ZFR2: variants seen among roughly 807,000 people sequenced by gnomAD.
The protein encoded by ZFR2 is zinc finger RNA-binding protein 2.
A neutral mutation model predicts 105.7 loss-of-function variants in ZFR2; 104 were observed. The ratio of observed to expected loss-of-function variants is 0.98; its 90% CI spans 0.84 to 1.16. ZFR2 has a LOEUF of 1.16. ZFR2 is among the 50% of genes most tolerant of loss of function. The probability of loss-of-function intolerance (pLI) is 0.00; values close to 1 mark genes in which losing one functional copy is unlikely to be tolerated. For synonymous variants in ZFR2, 634 were observed against 597.7 expected (o/e 1.06, Z -0.89); for missense variants, 1,425 against 1,355.5 (o/e 1.05, Z -0.80).
At chr19:3,864,452 A>G (rs529961932) in intron 1 of ZFR2, among the ~76,000 whole-genome samples, 20 of 152,348 alleles carry the variant, frequency 1.3e-4, no homozygotes, top group African/African-American at 4.8e-4. Context: ...ACCAAAATCC[A>G]GTAGTCTTCT....
chr19:3,805,952 C>T lies in ZFR2; in HGVS notation c.2817G>A (p.Val939=), dbSNP rs2037690960. The T allele has an allele frequency of 6.5e-7, 1 of 1,531,228 alleles. No individual in the cohort carries two copies. The highest frequency in any genetic ancestry group is 1.2e-5 in the South Asian group (1 of 83,082). 94.9% of individuals were successfully genotyped at this position (1,531,228 alleles called of 1,614,324 possible). ...KRGRRGGEGL[V] is the part of the protein sequence containing the mutation. ...GCAGGTGGGGGAGGTAGGCGGCTCACACGAGCCCCTCTCCGCCCCGCCGGC... is the reference window on the plus strand; with the variant it reads ...GCAGGTGGGGGAGGTAGGCGGCTCATACGAGCCCCTCTCCGCCCCGCCGGC... Residue 939 remains valine, a synonymous_variant, in exon 19 of 19, where the codon GTG becomes GTA. Transcript: ENST00000262961.
intron 3 of ZFR2, among the ~76,000 whole-genome samples, chr19:3,832,373 A>G (rs8104995): frequency 0.43 from 64,411 of 150,922 alleles, 14,284 homozygotes; most frequent in South Asian, 0.59. Context: ...CCAGGTTGGA[A>G]TGCAGTGGCA....
At position 3,830,259 on chromosome 19, in the gene ZFR2, GTGAGAC is replaced by G; in HGVS notation, c.852+1038_852+1043del. On this transcript the variant is annotated intron_variant, in intron 5 of 18. Transcript: ENST00000262961. ...TTCGAGACTGGACCTGGGCGACATAGTGAGACCCCATCTCTATTGAAAATTTAAAAA... is the reference window on the plus strand; with the variant it reads ...TTCGAGACTGGACCTGGGCGACATAGCCCATCTCTATTGAAAATTTAAAAA... 2.0e-5 allele frequency among the ~76,000 whole-genome samples: 3 copies of G among 152,226 alleles called. 1 individual carries two copies. Among genetic ancestry groups the G allele is most frequent in the African/African-American group, 7.2e-5 (3 of 41,542 alleles).
chr19:3,846,684 T>C (rs780910800), intron 1 of ZFR2, among the ~76,000 whole-genome samples: 14 of 152,212 alleles, frequency 9.2e-5, no homozygotes, highest in Non-Finnish European at 1.8e-4. Flanking sequence ...AAGCGGAATG[T>C]GCTTCTAAAA....
chr19:3,850,058 C>T (rs1204710844), intron 1 of ZFR2, among the ~76,000 whole-genome samples: 2 of 152,134 alleles, frequency 1.3e-5, no homozygotes, highest in African/African-American at 2.4e-5. Context: ...CACCCTGTCC[C>T]GCCACTCTGC....
intron 1 of ZFR2, among the ~76,000 whole-genome samples, chr19:3,839,474 G>C (rs898770791): frequency 2.4e-4 from 35 of 148,492 alleles, no homozygotes; most frequent in Admixed American, 2.0e-3. Flanking sequence ...CGGAGGCGGA[G>C]GCTGCAGTGA....
intron 1 of ZFR2, among the ~76,000 whole-genome samples, chr19:3,864,725 T>A (rs1162158047): frequency 6.6e-6 from 1 of 152,114 alleles, no homozygotes; most frequent in Non-Finnish European, 1.5e-5. Flanking sequence ...TCTTTTCTTT[T>A]CTCTCTTCTC....
intron 1 of ZFR2, chr19:3,852,610 C>A (rs2038252376): frequency 2.8e-6 from 2 of 718,274 alleles, no homozygotes. Flanking sequence ...GTCTCCACTT[C>A]TGGACTGGAA....
chr19:3,817,609 T>TA (rs1568419482), intron 12 of ZFR2, among the ~76,000 whole-genome samples: 12 of 90,472 alleles, frequency 1.3e-4, no homozygotes, highest in African/African-American at 2.2e-4. Context: ...TAATAATAAT[T>TA]AGCTGGGTGT....
rs769259870 is a variant in ZFR2, at chr19:3,810,782, G to A, written c.2401C>T (p.Arg801Cys). 1.3e-5 allele frequency: 20 copies of A among 1,550,090 alleles called. No homozygotes were observed. Among genetic ancestry groups the A allele is most frequent in the Admixed American group, 3.9e-5 (2 of 50,976 alleles). The change falls in exon 16 of 19, where the codon CGT (arginine) becomes TGT (cysteine). Residue 801 changes from arginine (R) to cysteine (C), a missense_variant. By Grantham distance (180) the Arg-to-Cys change is radical (BLOSUM62 -3). Coordinates refer to ENST00000262961, the MANE Select transcript of ZFR2 (RefSeq NM_015174.2). ...GGCAGGGCCCCCCAGGTGGGCACAC[G>A]CCGGCAGAGGTCCCTCAGGACCCTG... ...VIRVLRDLCR[R>C]VPTWGALPAW...
At chr19:3,825,434 CGT>C in intron 6 of ZFR2, 27 bp from the exon 7 acceptor site, 1 of 1,545,038 alleles carries the variant, frequency 6.5e-7, no homozygotes, top group Non-Finnish European at 8.7e-7. Flanking sequence ...CGGGCTCCCG[CGT>C]GAGGGCCGCT....
At position 3,823,264 on chromosome 19, in the gene ZFR2, G is replaced by A. The variant is rs1329316523; in HGVS notation, c.1353C>T (p.Gly451=). The part of the protein sequence containing the change: ...PAGCSDAQPV[G]PEYVEEVFSD... ...GACTTACCTCCTCCACATATTCCGGGCCCACCGGCTGCGCATCAGAGCAGC... is the reference window on the plus strand; with the variant it reads ...GACTTACCTCCTCCACATATTCCGGACCCACCGGCTGCGCATCAGAGCAGC... Residue 451 remains glycine, a synonymous_variant, in exon 8 of 19, where the codon GGC becomes GGT. Transcript: ENST00000262961. The surrounding 1 kb of genome is among the most constrained non-coding windows in gnomAD (Gnocchi z 5.4). The A allele has an allele frequency of 6.2e-7, 1 of 1,613,826 alleles. No individual in the cohort carries two copies. Among genetic ancestry groups the A allele is most frequent in the African/African-American group, 1.3e-5 (1 of 74,922 alleles).
At chr19:3,820,412 G>T in intron 10 of ZFR2, 122 bp from the exon 11 acceptor site, 1 of 924,768 alleles carries the variant, frequency 1.1e-6, no homozygotes, top group Non-Finnish European at 1.6e-6. Context: ...CTCTTGCTGG[G>T]GCTCCACTGC....
At chr19:3,810,893 C>A in intron 15 of ZFR2, 48 bp from the exon 16 acceptor site, 1 of 1,538,818 alleles carries the variant, frequency 6.5e-7, no homozygotes, top group Non-Finnish European at 8.8e-7. Flanking sequence ...CACGTGGCCA[C>A]ACGGCATGGC....
chr19:3,806,018 T>A lies in ZFR2; in HGVS notation c.2751A>T (p.Gly917=), dbSNP rs2037691997. Reference sequence around the variant, plus strand: ...CTGCGCCCTCCTCTCCCTCGCCAGGTCCCCGTTGCCTCTTCCGGAAGCGGG... The same window carrying A: ...CTGCGCCCTCCTCTCCCTCGCCAGGACCCCGTTGCCTCTTCCGGAAGCGGG... The part of the protein sequence containing the change: ...LGARFRKRQR[G]PGEGEEGAGE... Residue 917 remains glycine, a synonymous_variant, in exon 19 of 19, where the codon GGA becomes GGT. Transcript: ENST00000262961. 1 of 1,547,094 alleles carries A rather than the reference T, an allele frequency of 6.5e-7. No homozygotes were observed.
chr19:3,811,603 C>T (rs1394909720), intron 14 of ZFR2, among the ~76,000 whole-genome samples: 8 of 151,522 alleles, frequency 5.3e-5, no homozygotes, highest in South Asian at 2.1e-4. Context: ...TACAGGTGCC[C>T]GCCACCACAT....
At chr19:3,828,713 C>A (rs1160005915) in intron 5 of ZFR2, among the ~76,000 whole-genome samples, 1 of 152,168 alleles carries the variant, frequency 6.6e-6, no homozygotes, top group Non-Finnish European at 1.5e-5. Flanking sequence ...TCAAATGAAG[C>A]CGGCCACAGA....
At chr19:3,817,991 G>A (rs765229388) in intron 12 of ZFR2, among the ~76,000 whole-genome samples, 5 of 152,224 alleles carry the variant, frequency 3.3e-5, no homozygotes, top group South Asian at 2.1e-4. Flanking sequence ...GGGCGGGCAC[G>A]CATGGGTGCA....
chr19:3,839,488 G>T (rs912801148), intron 1 of ZFR2, among the ~76,000 whole-genome samples: 1 of 140,924 alleles, frequency 7.1e-6, no homozygotes, highest in Admixed American at 7.7e-5. Flanking sequence ...GCAGTGAGCC[G>T]AGACCGCTCC....
Sources: gnomAD v4.1 joint callset for allele counts (sites outside exome capture counted in the v4.1 genomes callset) on GRCh38, gnomAD v4.1.1 for gene constraint, Gnocchi (gnomAD v3.1) non-coding constraint, MANE v1.5 for transcripts, NCBI Gene and HGNC (gene_info 2026-07-23, HGNC 2026-07-21) for gene names.